Variants in COL22A1 observed in about 807,000 individuals in gnomAD.
COL22A1 encodes collagen type XXII alpha 1 chain, also known as collagen alpha-1(XXII) chain.
Under a neutral mutation model 248.9 loss-of-function variants are expected in COL22A1, and 221 were observed. The ratio of observed to expected loss-of-function variants is 0.89; its 90% CI spans 0.80 to 0.99. COL22A1 has a LOEUF of 0.99. COL22A1 is among the 50% of genes least tolerant of loss of function. The pLI is 0.00. For missense variants in COL22A1, 2,240 were observed against 2,179.0 expected (o/e 1.03, Z -0.56); for synonymous variants, 891 against 793.4 (o/e 1.12, Z -2.07).
intron 39 of COL22A1, among the ~76,000 whole-genome samples, chr8:138,682,341 T>C (rs559142761): frequency 7.2e-5 from 11 of 152,338 alleles, no homozygotes; most frequent in Non-Finnish European, 5.9e-5. Context: ...ACGGAAGACA[T>C]TGAAGGCATA....
chr8:138,602,610 C>T (rs191722907), intron 59 of COL22A1, among the ~76,000 whole-genome samples: 2 of 152,316 alleles, frequency 1.3e-5, no homozygotes, highest in Admixed American at 1.3e-4. Context: ...GTCCGGATAC[C>T]TACTTCCCAC....
chr8:138,763,772 T>C (rs1285807054), intron 16 of COL22A1, among the ~76,000 whole-genome samples: 1 of 152,154 alleles, frequency 6.6e-6, no homozygotes, highest in Non-Finnish European at 1.5e-5. Context: ...CCTTCGGGGC[T>C]CAGATTCAGT....
intron 1 of COL22A1, among the ~76,000 whole-genome samples, chr8:138,885,283 A>G (rs1359236660): frequency 6.6e-6 from 1 of 152,102 alleles, no homozygotes; most frequent in Non-Finnish European, 1.5e-5. Context: ...CCAACTCCCT[A>G]TGGAGTGGCT....
chr8:138,791,949 G>T (rs1708989633), intron 12 of COL22A1, among the ~76,000 whole-genome samples: 1 of 152,098 alleles, frequency 6.6e-6, no homozygotes, highest in Non-Finnish European at 1.5e-5. Flanking sequence ...AATCTGAGCA[G>T]AAAATCCATA....
At chr8:138,797,593 T>C (rs1816657166) in intron 11 of COL22A1, among the ~76,000 whole-genome samples, 1 of 152,196 alleles carries the variant, frequency 6.6e-6, no homozygotes, top group South Asian at 2.1e-4. Flanking sequence ...TTTTGAGGGG[T>C]ATATTCCTAA....
At chr8:138,797,425 T>C (rs966608412) in intron 11 of COL22A1, among the ~76,000 whole-genome samples, 2 of 152,212 alleles carry the variant, frequency 1.3e-5, no homozygotes, top group African/African-American at 4.8e-5. Flanking sequence ...AGACCATGTA[T>C]AAGTACTTCA....
chr8:138,831,196 A>G (rs926660023), intron 5 of COL22A1, among the ~76,000 whole-genome samples: 2 of 152,186 alleles, frequency 1.3e-5, no homozygotes, highest in African/African-American at 4.8e-5. Context: ...GAATTAAAAA[A>G]ACAAAAAGGA....
chr8:138,778,466 C>T (rs947775951), intron 14 of COL22A1, 60 bp from the exon 15 acceptor site: 22 of 1,458,712 alleles, frequency 1.5e-5, no homozygotes, highest in Admixed American at 1.3e-4. Flanking sequence ...CAAGTGCAGC[C>T]GTACAGCTCA....
chr8:138,738,121 A>G (rs887258704), intron 22 of COL22A1, among the ~76,000 whole-genome samples: 2 of 152,176 alleles, frequency 1.3e-5, no homozygotes, highest in African/African-American at 2.4e-5. Flanking sequence ...AGTTGCTGGT[A>G]TCCTTTATAC....
At position 138,780,164 on chromosome 8, in the gene COL22A1, C is replaced by T. The variant is rs141431774; in HGVS notation, c.1651-602G>A. Reference sequence around the variant, plus strand: ...AGTGTAAAAACTGGCGCCACCCTGACGGTTGTCTTCATGGAAAGGATGTTG... The same window carrying T: ...AGTGTAAAAACTGGCGCCACCCTGATGGTTGTCTTCATGGAAAGGATGTTG... On this transcript the variant is annotated intron_variant, in intron 13 of 64. Transcript: ENST00000303045. 5.8e-3 allele frequency among the ~76,000 whole-genome samples: 881 copies of T among 152,260 alleles called. 5 individuals carry two copies. The highest frequency in any genetic ancestry group is 0.015 in the African/African-American group (622 of 41,558).
At chr8:138,846,447 T>C (rs973828616) in intron 3 of COL22A1, among the ~76,000 whole-genome samples, 5 of 152,218 alleles carry the variant, frequency 3.3e-5, no homozygotes, top group African/African-American at 2.4e-5. Context: ...TACTCAAAGA[T>C]AGAACTTGCT....
chr8:138,827,811 A>G (rs1819714438), intron 5 of COL22A1, among the ~76,000 whole-genome samples: 2 of 149,150 alleles, frequency 1.3e-5, no homozygotes. Context: ...TATCATGTAC[A>G]GGGCACCTGA....
At chr8:138,775,844 G>A in intron 16 of COL22A1, 122 bp downstream of exon 16, 1 of 952,384 alleles carries the variant, frequency 1.0e-6, no homozygotes, top group African/African-American at 1.6e-5. Context: ...ACACACATGT[G>A]CACACATGCA....
At chr8:138,689,161 G>C (rs11779740) in intron 36 of COL22A1, among the ~76,000 whole-genome samples, 191 bp from the exon 37 acceptor site, 48,354 of 145,050 alleles carry the variant, frequency 0.33, 7,856 homozygotes, top group South Asian at 0.41. Context: ...GCTCTCCCGG[G>C]GGGGGGGCTG....
intron 3 of COL22A1, among the ~76,000 whole-genome samples, chr8:138,869,826 C>T (rs1036152320): frequency 6.6e-6 from 1 of 152,180 alleles, no homozygotes; most frequent in Non-Finnish European, 1.5e-5. Context: ...CGGCTCCAAA[C>T]CCACAACCCA....
chr8:138,827,715 C>T (rs1196504531), intron 5 of COL22A1, among the ~76,000 whole-genome samples: 3 of 149,390 alleles, frequency 2.0e-5, no homozygotes, highest in Admixed American at 1.3e-4. Context: ...GAGGCTCAAT[C>T]CCCCCCACCG....
intron 39 of COL22A1, among the ~76,000 whole-genome samples, chr8:138,681,359 A>T (rs982866826): frequency 1.3e-5 from 2 of 152,078 alleles, no homozygotes; most frequent in African/African-American, 4.8e-5. Flanking sequence ...TTTGGGATCC[A>T]TTGGATCAGT....
At chr8:138,661,573 CAA>C (rs1379437180) in intron 43 of COL22A1, among the ~76,000 whole-genome samples, 1 of 152,134 alleles carries the variant, frequency 6.6e-6, no homozygotes, top group African/African-American at 2.4e-5. Flanking sequence ...ACAATGGAGA[CAA>C]GAGATGACTG....
chr8:138,602,762 A>T (rs7017353), intron 59 of COL22A1, among the ~76,000 whole-genome samples: 1 of 151,842 alleles, frequency 6.6e-6, no homozygotes, highest in Admixed American at 6.5e-5. Flanking sequence ...CACAGTGCCC[A>T]CTGCTTCTGT....
Sources: gnomAD v4.1 joint callset for allele counts (sites outside exome capture counted in the v4.1 genomes callset) on GRCh38, gnomAD v4.1.1 for gene constraint, MANE v1.5 for transcripts, NCBI Gene and HGNC (gene_info 2026-07-23, HGNC 2026-07-21) for gene names.